The following ELN variants were observed in gnomAD, a reference collection of about 807,000 sequenced individuals.
ELN encodes tropoelastin.
Under a neutral mutation model 105.8 loss-of-function variants are expected in ELN, and 65 were observed. The ratio of observed to expected loss-of-function variants is 0.61; its 90% CI spans 0.50 to 0.75. ELN has a LOEUF of 0.75. Among genes scored for constraint, ELN ranks in the 30% least tolerant of loss-of-function variants. The pLI, the probability that ELN is intolerant of heterozygous loss-of-function variation, is 0.00. For synonymous variants in ELN, 368 were observed against 389.2 expected (o/e 0.95, Z 0.64); for missense variants, 882 against 969.4 (o/e 0.91, Z 1.20).
chr7:74,033,801 C>T (rs1236754395), intron 1 of ELN, among the ~76,000 whole-genome samples: 1 of 152,254 alleles, frequency 6.6e-6, no homozygotes, highest in Non-Finnish European at 1.5e-5. Context: ...CAGCCCCGCC[C>T]ATGCCCCACG....
chr7:74,051,018 ACTGCTCAGGT>A (rs1793911576), intron 15 of ELN, among the ~76,000 whole-genome samples: 1 of 152,200 alleles, frequency 6.6e-6, no homozygotes, highest in African/African-American at 2.4e-5. Flanking sequence ...ATGTTAACTC[ACTGCTCAGGT>A]CAGTGAGTTC....
At chr7:74,047,111 T>G (rs80085054) in intron 12 of ELN, among the ~76,000 whole-genome samples, 1 of 148,868 alleles carries the variant, frequency 6.7e-6, no homozygotes, top group Non-Finnish European at 1.5e-5. Flanking sequence ...AAAAAAAAAA[T>G]GTACCACTCA....
rs192115317 is a variant in ELN, at chr7:74,062,644, G to A, written c.1787-509G>A. Among the ~76,000 whole-genome samples, 19 of 151,588 alleles carry A rather than the reference G, an allele frequency of 1.3e-4. 1 individual carries two copies. Among genetic ancestry groups the A allele is most frequent in the South Asian group, 4.2e-4 (2 of 4,712 alleles). On this transcript the variant is annotated intron_variant, in intron 26 of 32. Coordinates refer to ENST00000252034, the MANE Select transcript of ELN (RefSeq NM_000501.4). ...TGGCTCCCTGCAGCCTCCATCTCCC[G>A]GGTTCAAGTGATTCTCCTGCCTCAG...
chr7:74,068,594 G>T (rs946044747), intron 32 of ELN, 63 bp from the exon 33 acceptor site: 82 of 1,603,176 alleles, frequency 5.1e-5, no homozygotes, highest in Non-Finnish European at 6.9e-5. Flanking sequence ...CAGAGCAGGC[G>T]GGGATTAGAG....
chr7:74,051,694 G>A, intron 15 of ELN, 56 bp from the exon 16 acceptor site: 1 of 1,600,426 alleles, frequency 6.2e-7, no homozygotes, highest in East Asian at 2.2e-5. Flanking sequence ...TGGCCATCCT[G>A]CCTGTCCTCA....
At position 74,046,192 on chromosome 7, in the gene ELN, A is replaced by C. The variant is rs1554672022; in HGVS notation, c.546A>C (p.Val182=). 2.5e-6 allele frequency: 4 copies of C among 1,614,226 alleles called. No individual in the cohort carries two copies. Among genetic ancestry groups the C allele is most frequent in the Non-Finnish European group, 3.4e-6 (4 of 1,180,034 alleles). ...GAGVKPKAPG[V]GGAFAGIPGV... ...GACAGCTTTTTATCATTACAGGTGTAGGTGGAGCTTTTGCTGGAATCCCAG... is the reference window on the plus strand; with the variant it reads ...GACAGCTTTTTATCATTACAGGTGTCGGTGGAGCTTTTGCTGGAATCCCAG... The change falls in exon 11 of 33, where the codon GTA becomes GTC. Residue 182 remains valine, a synonymous_variant. Transcript: ENST00000252034.
intron 30 of ELN, 46 bp downstream of exon 30, chr7:74,065,778 GC>G: frequency 1.2e-6 from 2 of 1,613,472 alleles, no homozygotes. Flanking sequence ...TGCACCCCCT[GC>G]CATGCCCATC....
Position 74,061,047 on chromosome 7 carries a change from T to C in ELN, c.1748-54T>C, listed in dbSNP as rs1796533355. Reference sequence around the variant, plus strand: ...GGCTCTCTAGAGGAGGCGGCAGAACTCCCAGGCACAGAGCTCGGCTCCTGA... The same window carrying C: ...GGCTCTCTAGAGGAGGCGGCAGAACCCCCAGGCACAGAGCTCGGCTCCTGA... On this transcript the variant is annotated intron_variant, in intron 25 of 32. Transcript: ENST00000252034. The C allele has an allele frequency of 1.9e-6, 3 of 1,611,404 alleles. No individual in the cohort carries two copies. The East Asian group carries it at 6.7e-5, about 36-fold the overall frequency.
intron 21 of ELN, 92 bp downstream of exon 21, chr7:74,056,805 G>T: frequency 1.9e-6 from 3 of 1,561,190 alleles, no homozygotes; most frequent in Non-Finnish European, 2.6e-6. Flanking sequence ...AGGCCTCCAG[G>T]ACTGAAATGG....
intron 19 of ELN, among the ~76,000 whole-genome samples, chr7:74,055,987 A>G (rs1404489012): frequency 2.1e-5 from 3 of 145,516 alleles, no homozygotes; most frequent in Non-Finnish European, 4.5e-5. Flanking sequence ...GGGTTTCACC[A>G]TATTGGCCAG....
chr7:74,067,006 C>A (rs1798104342), intron 32 of ELN, among the ~76,000 whole-genome samples: 2 of 152,202 alleles, frequency 1.3e-5, no homozygotes, highest in Admixed American at 6.5e-5. Context: ...CAGTTCATGG[C>A]CAGGTGTGAT....
intron 22 of ELN, among the ~76,000 whole-genome samples, chr7:74,058,422 A>G (rs1177215990): frequency 6.6e-6 from 1 of 151,594 alleles, no homozygotes; most frequent in Non-Finnish European, 1.5e-5. Context: ...TGCCACAATC[A>G]TAGCTCACTA....
intron 9 of ELN, among the ~76,000 whole-genome samples, chr7:74,044,191 C>T (rs1296173666): frequency 6.6e-6 from 1 of 151,962 alleles, no homozygotes; most frequent in African/African-American, 2.4e-5. Flanking sequence ...CAGTGAGCTA[C>T]GATGGTGCCA....
At chr7:74,035,189 T>G (rs1683302384) in intron 1 of ELN, among the ~76,000 whole-genome samples, 175 bp from the exon 2 acceptor site, 1 of 152,240 alleles carries the variant, frequency 6.6e-6, no homozygotes, top group South Asian at 2.1e-4. Flanking sequence ...GAACACACTT[T>G]GTAAACAGAA....
chr7:74,042,239 G>A (rs1791395334), intron 5 of ELN, among the ~76,000 whole-genome samples: 1 of 148,814 alleles, frequency 6.7e-6, no homozygotes, highest in Non-Finnish European at 1.5e-5. Context: ...GGGCAACATG[G>A]TAAAATCTTG....
chr7:74,041,367 G>A, intron 5 of ELN, 116 bp downstream of exon 5: 1 of 1,328,802 alleles, frequency 7.5e-7, no homozygotes, highest in African/African-American at 1.4e-5. Flanking sequence ...TCCGTCCTGG[G>A]CACTGACGGG....
intron 12 of ELN, among the ~76,000 whole-genome samples, chr7:74,047,416 G>A (rs1376587166): frequency 6.6e-6 from 1 of 152,216 alleles, no homozygotes; most frequent in African/African-American, 2.4e-5. Context: ...ACTGAGGAGG[G>A]GGTGTAAGGA....
chr7:74,035,352 G>A lies in ELN; in HGVS notation c.83-12G>A, dbSNP rs1789656023. 1 of 1,613,964 alleles carries A rather than the reference G, an allele frequency of 6.2e-7. No individual in the cohort carries two copies. The highest frequency in any genetic ancestry group is 8.5e-7 in the Non-Finnish European group (1 of 1,179,956). ...GGCTCCTGGAGGACTGACTCTACCT[G>A]TTTCCTTTCAGGGGTCCCTGGGGCC... On this transcript the variant is annotated splice_polypyrimidine_tract_variant and intron_variant, in intron 1 of 32. Transcript: ENST00000252034.
chr7:74,054,313 G>GA (rs1275604676), intron 18 of ELN, among the ~76,000 whole-genome samples: 3 of 151,994 alleles, frequency 2.0e-5, no homozygotes, highest in South Asian at 4.2e-4. Flanking sequence ...ACTAAAAATA[G>GA]AAAAAAATTA....
Sources: gnomAD v4.1 joint callset for allele counts (sites outside exome capture counted in the v4.1 genomes callset) on GRCh38, gnomAD v4.1.1 for gene constraint, MANE v1.5 for transcripts, NCBI Gene and HGNC (gene_info 2026-07-23, HGNC 2026-07-21) for gene names.